The following CCSER1 variants were observed in gnomAD, a reference collection of about 807,000 sequenced individuals.
CCSER1 encodes the protein coiled-coil serine rich protein 1, also known as serine-rich coiled-coil domain-containing protein 1.
Under a neutral mutation model 82.0 loss-of-function variants are expected in CCSER1, and 41 were observed. The observed-to-expected ratio is 0.50, with a 90% CI of 0.39 to 0.65. The LOEUF (loss-of-function observed/expected upper bound fraction) is 0.65, where lower values mean the gene tolerates loss of function less well. Among genes scored for constraint, CCSER1 ranks in the 30% least tolerant of loss-of-function variants. CCSER1 has a pLI of 0.00. For synonymous variants in CCSER1, 414 were observed against 383.9 expected, an observed-to-expected ratio of 1.08 and a Z score of -0.92; for missense variants, 1,119 against 1,064.2, an observed-to-expected ratio of 1.05 and a Z score of -0.72.
chr4:90,630,040 C>A (rs560481524), intron 6 of CCSER1, among the ~76,000 whole-genome samples: 1 of 152,236 alleles, frequency 6.6e-6, no homozygotes, highest in East Asian at 1.9e-4. Context: ...AGTATTTATG[C>A]CTCAGAAATT....
chr4:90,704,082 C>T (rs1168656457), intron 6 of CCSER1, among the ~76,000 whole-genome samples: 4 of 152,018 alleles, frequency 2.6e-5, no homozygotes. Context: ...TGGTCTTTAC[C>T]ATTTGGCATG....
intron 6 of CCSER1, among the ~76,000 whole-genome samples, chr4:90,701,794 G>C (rs950822693): frequency 5.9e-5 from 9 of 152,294 alleles, no homozygotes; most frequent in Admixed American, 5.2e-4. Context: ...TGGTGTGTAA[G>C]AACGCTTATG....
Position 90,468,301 on chromosome 4 carries a change from A to G in CCSER1, c.1671A>G (p.Pro557=). ...CAAVVLTPME[P]MIEMKKREEP... ...CAGTAGTTCTTACTCCTATGGAACC[A>G]ATGATAGAAATGAAGAAAAGAGAAG... Residue 557 remains proline, a synonymous_variant, in exon 5 of 11, where the codon CCA becomes CCG. Coordinates refer to ENST00000509176, the MANE Select transcript of CCSER1 (RefSeq NM_001145065.2). 6.2e-7 allele frequency: 1 copy of G among 1,608,970 alleles called. No individual in the cohort carries two copies. The highest frequency in any genetic ancestry group is 2.2e-5 in the East Asian group (1 of 44,780).
chr4:91,170,218 G>A (rs1320407206), intron 10 of CCSER1, among the ~76,000 whole-genome samples: 1 of 152,098 alleles, frequency 6.6e-6, no homozygotes, highest in African/African-American at 2.4e-5. Flanking sequence ...CCTCTATTAT[G>A]TGTGATACCC....
At chr4:91,570,976 C>T (rs1763148233) in intron 10 of CCSER1, among the ~76,000 whole-genome samples, 1 of 152,152 alleles carries the variant, frequency 6.6e-6, no homozygotes, top group South Asian at 2.1e-4. Context: ...TCTAAATCAT[C>T]TCTCTCAAGT....
chr4:91,047,876 A>T (rs567002193), intron 9 of CCSER1, among the ~76,000 whole-genome samples: 1 of 152,272 alleles, frequency 6.6e-6, no homozygotes, highest in Non-Finnish European at 1.5e-5. Context: ...TCTTAAAGTA[A>T]TGTATGATTT....
intron 10 of CCSER1, among the ~76,000 whole-genome samples, chr4:91,526,874 T>A (rs1291033271): frequency 6.6e-6 from 1 of 152,150 alleles, no homozygotes; most frequent in Non-Finnish European, 1.5e-5. Flanking sequence ...ATTATAGGCG[T>A]GGGCCACTGT....
chr4:90,591,072 A>C (rs1272946301), intron 5 of CCSER1, among the ~76,000 whole-genome samples: 1 of 152,066 alleles, frequency 6.6e-6, no homozygotes, highest in Admixed American at 6.6e-5. Flanking sequence ...TGTGAATGGG[A>C]GTTCACTCAT....
At chr4:90,757,933 CTTT>C (rs200053849) in intron 7 of CCSER1, among the ~76,000 whole-genome samples, 3 of 136,488 alleles carry the variant, frequency 2.2e-5, no homozygotes, top group East Asian at 2.1e-4. Flanking sequence ...GTTTCCTTTT[CTTT>C]TTTTTTTTTT....
intron 10 of CCSER1, among the ~76,000 whole-genome samples, chr4:91,467,852 A>G (rs1757014888): frequency 6.6e-6 from 1 of 152,218 alleles, no homozygotes; most frequent in African/African-American, 2.4e-5. Context: ...TCAGGAAACA[A>G]TAGGTGCTGG....
intron 6 of CCSER1, among the ~76,000 whole-genome samples, chr4:90,703,436 T>G (rs1738588078): frequency 6.6e-6 from 1 of 152,112 alleles, no homozygotes; most frequent in Non-Finnish European, 1.5e-5. Context: ...TGGCTGAGAA[T>G]AATGTATATT....
intron 9 of CCSER1, among the ~76,000 whole-genome samples, chr4:91,021,168 A>G (rs1381916534): frequency 2.6e-5 from 4 of 152,276 alleles, no homozygotes; most frequent in Admixed American, 6.5e-5. Flanking sequence ...GTTTATTTAC[A>G]TAAATCTGTT....
chr4:90,267,142 A>G (rs1725380557), intron 1 of CCSER1, among the ~76,000 whole-genome samples: 1 of 151,908 alleles, frequency 6.6e-6, no homozygotes, highest in Non-Finnish European at 1.5e-5. Flanking sequence ...GCCTGGCAGC[A>G]TTTGCCACAA....
At chr4:91,481,380 G>C (rs1283204436) in intron 10 of CCSER1, among the ~76,000 whole-genome samples, 1 of 151,986 alleles carries the variant, frequency 6.6e-6, no homozygotes, top group Non-Finnish European at 1.5e-5. Context: ...TCTTTCCTCT[G>C]TAGTTGCGCA....
At chr4:90,385,521 G>A (rs574037863) in intron 3 of CCSER1, among the ~76,000 whole-genome samples, 28 of 149,152 alleles carry the variant, frequency 1.9e-4, no homozygotes, top group South Asian at 1.5e-3. Flanking sequence ...GTGCAGTGGC[G>A]CGATCTCTGC....
At chr4:90,786,837 A>G (rs751252361) in intron 7 of CCSER1, among the ~76,000 whole-genome samples, 1 of 152,190 alleles carries the variant, frequency 6.6e-6, no homozygotes, top group Non-Finnish European at 1.5e-5. Context: ...TTGGGGGCTC[A>G]TTCCCCAAGA....
At position 90,732,025 on chromosome 4, in the gene CCSER1, A is replaced by T. The variant is rs1744827416; in HGVS notation, c.2010+8034A>T. Among the ~76,000 whole-genome samples the T allele has an allele frequency of 6.4e-5, 5 of 78,370 alleles. No homozygotes were observed. In the South Asian group the frequency reaches 1.5e-3, roughly 23 times the overall value. 51.4% of individuals were successfully genotyped at this position (78,370 alleles called of 152,430 possible). ...CACTGAAAACACTGTACCTATTGGG[A>T]TTTCTCTCTCTCTCTCTCTCTCTCT... On this transcript the variant is annotated intron_variant, in intron 7 of 10. Coordinates refer to ENST00000509176, the MANE Select transcript of CCSER1 (RefSeq NM_001145065.2).
At chr4:91,031,125 A>G (rs997724465) in intron 9 of CCSER1, among the ~76,000 whole-genome samples, 1 of 152,190 alleles carries the variant, frequency 6.6e-6, no homozygotes, top group Non-Finnish European at 1.5e-5. Flanking sequence ...GTGGCTCATT[A>G]TATGATGTTC....
At position 90,609,435 on chromosome 4, in the gene CCSER1, A is replaced by G. The variant is rs1785160920; in HGVS notation, c.1725-18590A>G. On this transcript the variant is annotated intron_variant, in intron 5 of 10. Transcript: ENST00000509176. The stretch of plus-strand genomic sequence containing the variant: ...GTCAGAAAAAGATTATACCAGTATT[A>G]CTATATCAATAATACACAAAAAAGT... Among the ~76,000 whole-genome samples, 6 of 152,190 alleles carry G rather than the reference A, an allele frequency of 3.9e-5. 1 individual carries two copies. The highest frequency in any genetic ancestry group is 4.2e-4 in the South Asian group (2 of 4,814).
Sources: gnomAD v4.1 joint callset for allele counts (sites outside exome capture counted in the v4.1 genomes callset) on GRCh38, gnomAD v4.1.1 for gene constraint, MANE v1.5 for transcripts, NCBI Gene and HGNC (gene_info 2026-07-23, HGNC 2026-07-21) for gene names.